Variants in LRP1B observed in about 807,000 individuals in gnomAD.
The protein encoded by LRP1B is low-density lipoprotein receptor-related protein 1B.
Under a neutral mutation model 556.6 loss-of-function variants are expected in LRP1B, and 217 were observed. The ratio of observed to expected loss-of-function variants is 0.39; its 90% CI spans 0.35 to 0.44. The LOEUF (loss-of-function observed/expected upper bound fraction) is 0.44. LRP1B is among the 20% of genes least tolerant of loss of function. LRP1B has a pLI of 1.00. For synonymous variants in LRP1B, 2,047 were observed against 1,865.8 expected, an observed-to-expected ratio of 1.10 and a Z score of -2.50; for missense variants, 5,053 against 5,620.8, an observed-to-expected ratio of 0.90 and a Z score of 3.23.
chr2:140,832,504 A>T (rs898888674), intron 31 of LRP1B, among the ~76,000 whole-genome samples: 1 of 152,206 alleles, frequency 6.6e-6, no homozygotes, highest in African/African-American at 2.4e-5. Flanking sequence ...AGTGTCTATC[A>T]TTAGCTGGAT....
chr2:141,551,383 C>T (rs952804471), intron 2 of LRP1B, among the ~76,000 whole-genome samples: 2 of 151,466 alleles, frequency 1.3e-5, no homozygotes, highest in Admixed American at 6.6e-5. Flanking sequence ...TATCAGGGAA[C>T]GTTGTTATTA....
intron 82 of LRP1B, among the ~76,000 whole-genome samples, chr2:140,321,157 G>T (rs1680097982): frequency 6.6e-6 from 1 of 152,026 alleles, no homozygotes; most frequent in South Asian, 2.1e-4. Flanking sequence ...TCTTGAATAT[G>T]AGGTAACTTA....
At chr2:141,671,253 T>C (rs1301115949) in intron 2 of LRP1B, among the ~76,000 whole-genome samples, 1 of 152,188 alleles carries the variant, frequency 6.6e-6, no homozygotes, top group African/African-American at 2.4e-5. Flanking sequence ...TAGTAAGATA[T>C]TGCAAATACG....
intron 2 of LRP1B, among the ~76,000 whole-genome samples, chr2:141,664,822 A>G (rs528100601): frequency 1.3e-5 from 2 of 152,274 alleles, no homozygotes; most frequent in East Asian, 3.9e-4. Context: ...TTAAACTACC[A>G]TTGACATCCT....
At chr2:141,483,845 T>G (rs919947355) in intron 2 of LRP1B, among the ~76,000 whole-genome samples, 3 of 151,264 alleles carry the variant, frequency 2.0e-5, no homozygotes, top group Non-Finnish European at 4.4e-5. Context: ...TTGAGTTCAT[T>G]GTAGATTCTG....
chr2:140,643,055 GT>G (rs1233284095), intron 41 of LRP1B, among the ~76,000 whole-genome samples: 7 of 151,530 alleles, frequency 4.6e-5, no homozygotes, highest in African/African-American at 1.7e-4. Context: ...TGAACACAGA[GT>G]TTTATTTACC....
chr2:140,369,444 G>C (rs909981591), intron 71 of LRP1B, among the ~76,000 whole-genome samples: 2 of 151,932 alleles, frequency 1.3e-5, no homozygotes, highest in African/African-American at 4.8e-5. Context: ...GAACGCAAAA[G>C]TCGCATGAGT....
At chr2:140,701,607 A>T in intron 40 of LRP1B, 114 bp downstream of exon 40, 1 of 964,434 alleles carries the variant, frequency 1.0e-6, no homozygotes, top group Non-Finnish European at 1.5e-6. Flanking sequence ...ATGTAAAGAT[A>T]ATGTTTTGAG....
At position 141,313,339 on chromosome 2, in the gene LRP1B, G is replaced by A. The variant is rs530338008; in HGVS notation, c.344-58698C>T. Among the ~76,000 whole-genome samples the A allele has an allele frequency of 5.3e-3, 798 of 151,362 alleles. 7 individuals are homozygous for A. Among genetic ancestry groups the A allele is most frequent in the Non-Finnish European group, 8.9e-3 (603 of 67,898 alleles). On this transcript the variant is annotated intron_variant, in intron 3 of 90. Coordinates refer to ENST00000389484, the MANE Select transcript of LRP1B (RefSeq NM_018557.3). ...CATGCATACTCCTTAGAAATTTTTA[G>A]TTCCTCAAATTTTGTAAAAAAAGAA...
chr2:140,923,183 G>GAGAA, intron 20 of LRP1B, 36 bp from the exon 21 acceptor site: 1 of 1,491,734 alleles, frequency 6.7e-7, no homozygotes, highest in East Asian at 2.3e-5. Context: ...AGCAGAGGGG[G>GAGAA]GCAAGACAGG....
At chr2:140,850,052 A>G (rs2105116922) in intron 29 of LRP1B, 50 bp downstream of exon 29, 1 of 1,175,724 alleles carries the variant, frequency 8.5e-7, no homozygotes, top group Non-Finnish European at 1.2e-6. Context: ...TGATTATTAC[A>G]AACTGAATAA....
rs565068178 is a variant in LRP1B, at chr2:141,068,547, A to G, written c.1014-6274T>C. Among the ~76,000 whole-genome samples the G allele has an allele frequency of 1.7e-3, 237 of 140,250 alleles. 1 individual carries two copies. The highest frequency in any genetic ancestry group is 2.6e-3 in the South Asian group (11 of 4,270). The allele number at this position is 140,250 out of a possible 152,430, so 92.0% of individuals were successfully genotyped here. ...CCATGTTGTCTCCTCCTGACTGCAC[A>G]TGTGGTTGGCAAAAAAAAAAAAAAA... is the stretch of plus-strand genomic sequence containing the variant. On this transcript the variant is annotated intron_variant, in intron 7 of 90. Transcript: ENST00000389484.
chr2:141,863,055 C>A (rs899452724), intron 1 of LRP1B, among the ~76,000 whole-genome samples: 1 of 152,124 alleles, frequency 6.6e-6, no homozygotes, highest in African/African-American at 2.4e-5. Context: ...AGCTTAATTT[C>A]TTTGTGTTTC....
chr2:142,115,556 A>ATATGTAATATATATAT lies in LRP1B; in HGVS notation c.82+15091_82+15092insATATATATATTACATA, dbSNP rs1559079697. On this transcript the variant is annotated intron_variant, in intron 1 of 90. Transcript: ENST00000389484. Reference sequence around the variant, plus strand: ...ATATTACATATGTAATATATATATTATATATGTAATATATATTATATATGT... The same window carrying ATATGTAATATATATAT: ...ATATTACATATGTAATATATATATTATATGTAATATATATATTATATGTAATATATATTATATATGT... 1.1e-4 allele frequency among the ~76,000 whole-genome samples: 6 copies of ATATGTAATATATATAT among 56,366 alleles called. 1 individual carries two copies. Among genetic ancestry groups the ATATGTAATATATATAT allele is most frequent in the Non-Finnish European group, 2.0e-4 (6 of 30,626 alleles). The allele number at this position is 56,366 out of a possible 152,430, so 37.0% of individuals were successfully genotyped here.
At chr2:140,494,581 TG>T (rs2104869096) in intron 56 of LRP1B, among the ~76,000 whole-genome samples, 1 of 128,574 alleles carries the variant, frequency 7.8e-6, no homozygotes, top group East Asian at 2.2e-4. Flanking sequence ...CACTCCAGCC[TG>T]GGTGACAGAG....
chr2:140,364,815 T>C, intron 71 of LRP1B, 32 bp from the exon 72 acceptor site: 1 of 1,602,848 alleles, frequency 6.2e-7, no homozygotes, highest in South Asian at 1.1e-5. Context: ...AACAAAGAGA[T>C]TCAGAGTAAT....
chr2:141,451,067 A>G (rs556709422), intron 3 of LRP1B, among the ~76,000 whole-genome samples: 1 of 152,332 alleles, frequency 6.6e-6, no homozygotes, highest in Admixed American at 6.5e-5. Flanking sequence ...CTCAGGAATG[A>G]GCATCTTCCA....
intron 51 of LRP1B, among the ~76,000 whole-genome samples, chr2:140,512,702 A>C (rs1689718862): frequency 6.6e-6 from 1 of 152,160 alleles, no homozygotes; most frequent in Non-Finnish European, 1.5e-5. Flanking sequence ...CAGAATCACT[A>C]TGTGCATATC....
At chr2:141,531,224 A>G (rs1684861146) in intron 2 of LRP1B, among the ~76,000 whole-genome samples, 2 of 152,084 alleles carry the variant, frequency 1.3e-5, no homozygotes, top group African/African-American at 4.8e-5. Flanking sequence ...CCTACTTCTC[A>G]AACCAAGTCA....
Sources: allele counts gnomAD v4.1 joint callset (sites outside exome capture counted in the v4.1 genomes callset), GRCh38; gene constraint gnomAD v4.1.1; transcripts MANE v1.5; gene names NCBI Gene and HGNC (gene_info 2026-07-23, HGNC 2026-07-21).